The following GPC5 variants were observed in gnomAD, a reference collection of about 807,000 sequenced individuals.
The protein encoded by GPC5 is glypican 5, also known as glypican-5.
Under a neutral mutation model 53.9 loss-of-function variants are expected in GPC5, and 47 were observed. The ratio of observed to expected loss-of-function variants is 0.87; its 90% confidence interval spans 0.69 to 1.11. GPC5 has a LOEUF of 1.11. Ranked by LOEUF, GPC5 falls within the 50% of genes most tolerant of loss-of-function variation. The pLI, the probability that GPC5 is intolerant of heterozygous loss-of-function variation, is 0.00. For synonymous variants in GPC5, 286 were observed against 263.3 expected (o/e 1.09, Z -0.84); for missense variants, 748 against 713.1 (o/e 1.05, Z -0.56).
At chr13:91,448,039 G>A (rs1247387151) in intron 1 of GPC5, among the ~76,000 whole-genome samples, 2 of 152,100 alleles carry the variant, frequency 1.3e-5, no homozygotes, top group Admixed American at 1.3e-4. Context: ...AGTGATACTA[G>A]CAAAGGTTTT....
At chr13:92,720,546 C>T (rs1434096747) in intron 7 of GPC5, among the ~76,000 whole-genome samples, 2 of 151,530 alleles carry the variant, frequency 1.3e-5, no homozygotes, top group South Asian at 2.1e-4. Flanking sequence ...TTTATAATCT[C>T]GGGATTTTGT....
intron 7 of GPC5, among the ~76,000 whole-genome samples, chr13:92,297,595 G>T (rs2043045786): frequency 6.6e-6 from 1 of 152,146 alleles, no homozygotes; most frequent in Admixed American, 6.5e-5. Context: ...TGGAGAACCT[G>T]TGTGTCGAAA....
At chr13:92,238,436 T>A (rs1324986756) in intron 7 of GPC5, among the ~76,000 whole-genome samples, 1 of 152,130 alleles carries the variant, frequency 6.6e-6, no homozygotes, top group Non-Finnish European at 1.5e-5. Context: ...GGCTCTGATT[T>A]CCATTTCCCT....
intron 5 of GPC5, among the ~76,000 whole-genome samples, chr13:91,815,904 C>G (rs1034851387): frequency 1.3e-5 from 2 of 152,160 alleles, no homozygotes; most frequent in Non-Finnish European, 2.9e-5. Flanking sequence ...TGCCACTCCT[C>G]CCTCCCACTT....
rs1165473419 is a variant in GPC5 at position 92,119,396 on chromosome 13, T to TTTC, written c.1402-25432_1402-25431insCTT. 1.8e-3 allele frequency among the ~76,000 whole-genome samples: 219 copies of TTTC among 122,322 alleles called. 1 individual carries two copies. Among genetic ancestry groups the TTTC allele is most frequent in the African/African-American group, 6.5e-3 (204 of 31,494 alleles). 80.2% of individuals were successfully genotyped at this position (122,322 alleles called of 152,430 possible). ...CATTCACATTAGGATTTTAGTTTTT[T>TTTC]TTTTTTTTTTTTTTTTTTTGGAGAC... is the stretch of plus-strand genomic sequence containing the variant. On this transcript the variant is annotated intron_variant, in intron 6 of 7. Transcript: ENST00000377067.
intron 7 of GPC5, among the ~76,000 whole-genome samples, chr13:92,842,182 A>G (rs542054972): frequency 2.3e-4 from 35 of 152,274 alleles, no homozygotes; most frequent in Non-Finnish European, 4.7e-4. Flanking sequence ...TGATAGGTCC[A>G]GTACTGGATT....
At chr13:91,454,671 A>T (rs188576217) in intron 2 of GPC5, among the ~76,000 whole-genome samples, 29 of 152,236 alleles carry the variant, frequency 1.9e-4, no homozygotes, top group African/African-American at 7.0e-4. Flanking sequence ...TAGCAAGAAG[A>T]CTTGTGAAAT....
At chr13:92,352,713 AGATGTGTATCTAT>A (rs1379642302) in intron 7 of GPC5, among the ~76,000 whole-genome samples, 8 of 152,212 alleles carry the variant, frequency 5.3e-5, no homozygotes, top group African/African-American at 1.9e-4. Flanking sequence ...ATGTTGGAGA[AGATGTGTATCTAT>A]GGTGTCTTGA....
intron 6 of GPC5, among the ~76,000 whole-genome samples, chr13:92,014,619 A>G (rs2040691496): frequency 6.6e-6 from 1 of 152,114 alleles, no homozygotes; most frequent in Non-Finnish European, 1.5e-5. Context: ...GGAGACTCTA[A>G]TGTTACCATA....
chr13:92,773,408 A>G (rs902274765), intron 7 of GPC5, among the ~76,000 whole-genome samples: 2 of 152,086 alleles, frequency 1.3e-5, no homozygotes, highest in Non-Finnish European at 2.9e-5. Flanking sequence ...ACTGAAATCT[A>G]TTTCCTAAAC....
At chr13:91,638,455 T>C (rs1448099265) in intron 2 of GPC5, among the ~76,000 whole-genome samples, 1 of 151,912 alleles carries the variant, frequency 6.6e-6, no homozygotes, top group African/African-American at 2.4e-5. Context: ...AAACTCTGCC[T>C]CCCCAGTTCA....
intron 1 of GPC5, among the ~76,000 whole-genome samples, chr13:91,435,159 C>G (rs1879820984): frequency 6.6e-6 from 1 of 152,144 alleles, no homozygotes; most frequent in Admixed American, 6.5e-5. Flanking sequence ...TTTCTGTTTT[C>G]CTAATTGAAT....
In GPC5 at chr13:91,448,902, G is replaced by T. The variant is rs772585092; in HGVS notation, c.305G>T (p.Arg102Leu). ...TCTACATTAAAGTTTCTAATATCTC[G>T]AAATGCGGCTGCTTTTCAAGGTAAG... ...SSSTLKFLIS[R>L]NAAAFQETLE... The change falls in exon 2 of 8, where the codon CGA becomes CTA. Residue 102 changes from arginine to leucine, a missense_variant. By Grantham distance (102) the Arg-to-Leu change is moderately radical. Transcript: ENST00000377067. 6.2e-7 allele frequency: 1 copy of T among 1,612,926 alleles called. No homozygotes were observed. The highest frequency in any genetic ancestry group is 8.5e-7 in the Non-Finnish European group (1 of 1,179,466).
intron 2 of GPC5, among the ~76,000 whole-genome samples, chr13:91,663,791 A>T (rs2035041457): frequency 6.6e-6 from 1 of 152,208 alleles, no homozygotes; most frequent in Non-Finnish European, 1.5e-5. Flanking sequence ...ATGAAAAACC[A>T]TTAAATTTGT....
intron 6 of GPC5, among the ~76,000 whole-genome samples, chr13:92,065,017 G>T (rs1269232332): frequency 6.6e-6 from 1 of 151,802 alleles, no homozygotes; most frequent in African/African-American, 2.4e-5. Flanking sequence ...TCATAATTTT[G>T]GTTCTGAAAA....
At chr13:92,568,008 A>G (rs191024580) in intron 7 of GPC5, among the ~76,000 whole-genome samples, 2 of 152,172 alleles carry the variant, frequency 1.3e-5, no homozygotes, top group Non-Finnish European at 2.9e-5. Flanking sequence ...AATAGAGACT[A>G]ACAGAATATT....
intron 7 of GPC5, among the ~76,000 whole-genome samples, chr13:92,832,985 G>C (rs1160197313): frequency 1.3e-5 from 2 of 152,136 alleles, no homozygotes; most frequent in Admixed American, 1.3e-4. Context: ...CAGCCTGGGT[G>C]ACAGAGTGAG....
At chr13:91,905,336 A>G (rs2039542113) in intron 5 of GPC5, among the ~76,000 whole-genome samples, 3 of 151,678 alleles carry the variant, frequency 2.0e-5, no homozygotes. Flanking sequence ...TGAGTATAAA[A>G]TTTTATTTTT....
intron 7 of GPC5, among the ~76,000 whole-genome samples, chr13:92,679,558 C>T (rs1368868081): frequency 6.6e-6 from 1 of 152,114 alleles, no homozygotes; most frequent in African/African-American, 2.4e-5. Flanking sequence ...GCATGAATTA[C>T]TTAAATTATG....
Sources: gnomAD v4.1 joint callset for allele counts (sites outside exome capture counted in the v4.1 genomes callset) on GRCh38, gnomAD v4.1.1 for gene constraint, MANE v1.5 for transcripts, NCBI Gene and HGNC (gene_info 2026-07-23, HGNC 2026-07-21) for gene names.